Variants in KCNMA1 observed in about 807,000 individuals in gnomAD.
KCNMA1 encodes the protein potassium calcium-activated channel subfamily M alpha 1.
A neutral mutation model predicts 140.0 loss-of-function variants in KCNMA1; 29 were observed. That is an observed-to-expected ratio of 0.21 (90% CI 0.15 to 0.28). The LOEUF is 0.28. Ranked by LOEUF, KCNMA1 falls within the 10% of genes least tolerant of loss-of-function variation. KCNMA1 has a pLI of 1.00. For missense variants in KCNMA1, 880 were observed against 1,602.2 expected (o/e 0.55, Z 7.70); for synonymous variants, 612 against 611.9 (o/e 1.00, Z 0.00).
intron 16 of KCNMA1, among the ~76,000 whole-genome samples, chr10:77,026,182 C>T (rs976590076): frequency 6.6e-6 from 1 of 152,096 alleles, no homozygotes; most frequent in Non-Finnish European, 1.5e-5. Context: ...CAGCCTTTCG[C>T]TCTTTTTCTC....
chr10:77,606,451 A>G (rs2084550381), intron 1 of KCNMA1, among the ~76,000 whole-genome samples: 1 of 152,024 alleles, frequency 6.6e-6, no homozygotes, highest in Admixed American at 6.6e-5. Flanking sequence ...TCTACAAAAT[A>G]ATTAAAAAAT....
intron 1 of KCNMA1, among the ~76,000 whole-genome samples, chr10:77,476,206 C>T (rs1177774719): frequency 2.6e-5 from 4 of 152,080 alleles, no homozygotes; most frequent in Admixed American, 6.5e-5. Context: ...TTAGAACTCT[C>T]GGAATGCACC....
At chr10:76,872,789 C>T (rs2031612393), downstream of KCNMA1, 2 of 152,332 alleles carry the variant, frequency 1.3e-5, no homozygotes, top group Non-Finnish European at 2.9e-5. Context: ...CAGTTCAATG[C>T]AAACTCTTCT....
At chr10:77,425,638 T>C (rs2096969117) in intron 1 of KCNMA1, among the ~76,000 whole-genome samples, 1 of 152,186 alleles carries the variant, frequency 6.6e-6, no homozygotes, top group Non-Finnish European at 1.5e-5. Flanking sequence ...TTCCCAGCCT[T>C]GTCCAGGTGG....
chr10:77,579,350 G>C (rs1354257836), intron 1 of KCNMA1, among the ~76,000 whole-genome samples: 1 of 152,176 alleles, frequency 6.6e-6, no homozygotes, highest in Non-Finnish European at 1.5e-5. Context: ...TACAGCTCAG[G>C]TGTGGGCAAA....
rs1341389873 is a variant in KCNMA1 at position 76,912,491 on chromosome 10, G to C, written c.3017-2395C>G. The C allele has an allele frequency of 2.6e-5, 4 of 152,424 alleles. No individual in the cohort carries two copies. In the South Asian group the frequency reaches 6.2e-4, roughly 24 times the overall value. 9.4% of individuals were successfully genotyped at this position (152,424 alleles called of 1,614,324 possible). ...GGGGATGTGGGAGGTGAAATGGTCT[G>C]AGGAGGGTGGTATAGTGGCTAGAGA... On this transcript the variant is annotated intron_variant, in intron 24 of 27. Coordinates refer to ENST00000286628, the MANE Select transcript of KCNMA1 (RefSeq NM_001161352.2).
At chr10:77,168,321 C>T (rs533302149) in intron 5 of KCNMA1, among the ~76,000 whole-genome samples, 1 of 152,270 alleles carries the variant, frequency 6.6e-6, no homozygotes, top group East Asian at 1.9e-4. Flanking sequence ...TTGTCCAATA[C>T]CTGCCACAAA....
chr10:77,110,790 C>A (rs2097301741), intron 7 of KCNMA1, among the ~76,000 whole-genome samples: 1 of 152,222 alleles, frequency 6.6e-6, no homozygotes, highest in Non-Finnish European at 1.5e-5. Context: ...ATTCTAAACA[C>A]TTCCGTAGGG....
intron 1 of KCNMA1, among the ~76,000 whole-genome samples, chr10:77,594,763 T>C (rs1455070801): frequency 6.6e-6 from 1 of 152,222 alleles, no homozygotes; most frequent in Non-Finnish European, 1.5e-5. Context: ...TTAGATGGAC[T>C]GGAAGATCAA....
At chr10:77,214,038 A>G (rs1304935865) in intron 3 of KCNMA1, among the ~76,000 whole-genome samples, 1 of 152,030 alleles carries the variant, frequency 6.6e-6, no homozygotes, top group Non-Finnish European at 1.5e-5. Flanking sequence ...ACCCCTGGGC[A>G]GCACCCTCCT....
At chr10:76,882,393 G>A (rs552923629), downstream of KCNMA1, among the ~76,000 whole-genome samples, 7 of 152,118 alleles carry the variant, frequency 4.6e-5, no homozygotes, top group Non-Finnish European at 1.0e-4. Context: ...AAGGAGCTTC[G>A]ACCTTCAAGG....
Position 76,924,027 on chromosome 10 carries a change from A to G in KCNMA1, c.2903-8978T>C, listed in dbSNP as rs60106793. On this transcript the variant is annotated intron_variant, in intron 23 of 27. Coordinates refer to ENST00000286628, the MANE Select transcript of KCNMA1 (RefSeq NM_001161352.2). The stretch of plus-strand genomic sequence containing the variant: ...CTCAAAAAATAAAATATAATGAGAC[A>G]TACTTGCTTGGCCAGTGTGGATCAA... Among the ~76,000 whole-genome samples, 1,496 of 152,316 alleles carry G rather than the reference A, an allele frequency of 9.8e-3. 27 individuals are homozygous for G. Among genetic ancestry groups the G allele is most frequent in the African/African-American group, 0.033 (1,352 of 41,568 alleles).
intron 2 of KCNMA1, among the ~76,000 whole-genome samples, chr10:77,315,993 T>C (rs2080770922): frequency 6.6e-6 from 1 of 152,174 alleles, no homozygotes; most frequent in South Asian, 2.1e-4. Context: ...TAAACATCTA[T>C]TGAATTAAGA....
At chr10:77,601,050 G>A (rs533482888) in intron 1 of KCNMA1, among the ~76,000 whole-genome samples, 2 of 152,338 alleles carry the variant, frequency 1.3e-5, no homozygotes, top group Admixed American at 6.5e-5. Context: ...CATCTGCGAA[G>A]CAAAAGAGAG....
At chr10:77,488,584 C>G (rs912952526) in intron 1 of KCNMA1, among the ~76,000 whole-genome samples, 8 of 152,190 alleles carry the variant, frequency 5.3e-5, no homozygotes, top group African/African-American at 1.9e-4. Flanking sequence ...GAGCTGCCGG[C>G]TCAGCAGCAG....
intron 1 of KCNMA1, among the ~76,000 whole-genome samples, chr10:77,442,449 A>C (rs1052768893): frequency 1.3e-5 from 2 of 151,926 alleles, no homozygotes; most frequent in African/African-American, 4.8e-5. Context: ...CCCTAATCTT[A>C]GCAGGGACCT....
chr10:77,637,548 T>A lies in KCNMA1; in HGVS notation c.95A>T (p.Asn32Ile), dbSNP rs199570594. 2 of 1,544,732 alleles carry A rather than the reference T, an allele frequency of 1.3e-6. No individual in the cohort carries two copies. The highest frequency in any genetic ancestry group is 1.7e-6 in the Non-Finnish European group (2 of 1,142,996). The part of the protein sequence containing the change: ...SLRMSSNIHA[N>I]HLSLDASSSS... ...GGAGGACGCGTCTAGGCTGAGATGGTTCGCGTGGATATTGCTACTCATTCT... is the reference window on the plus strand; with the variant it reads ...GGAGGACGCGTCTAGGCTGAGATGGATCGCGTGGATATTGCTACTCATTCT... Residue 32 changes from asparagine (N) to isoleucine (I), a missense_variant, in exon 1 of 28, where the codon AAC becomes ATC. Physicochemically the swap from Asn to Ile is moderately radical, Grantham distance 149. Around this residue, in one of 13 missense-constraint regions of KCNMA1, gnomAD observed 94 missense variants for 92.4 expected, o/e 1.02. Transcript: ENST00000286628.
chr10:77,482,039 G>A (rs2098404406), intron 1 of KCNMA1, among the ~76,000 whole-genome samples: 1 of 152,214 alleles, frequency 6.6e-6, no homozygotes, highest in South Asian at 2.1e-4. Context: ...AACGTGCCAA[G>A]CAGACAGTTC....
intron 2 of KCNMA1, among the ~76,000 whole-genome samples, chr10:77,263,531 G>A (rs149709679): frequency 3.0e-4 from 45 of 152,204 alleles, no homozygotes; most frequent in African/African-American, 1.1e-3. Flanking sequence ...GCTCCTCAGT[G>A]GCTTAATGGA....
Sources: gnomAD v4.1 joint callset for allele counts (sites outside exome capture counted in the v4.1 genomes callset) on GRCh38, gnomAD v4.1.1 for gene constraint, gnomAD v4.1.1 regional missense constraint, MANE v1.5 for transcripts, NCBI Gene and HGNC (gene_info 2026-07-23, HGNC 2026-07-21) for gene names.